The following TMEM232 variants were observed in gnomAD, a reference collection of about 807,000 sequenced individuals.
TMEM232 encodes transmembrane protein 232.
A neutral mutation model predicts 78.8 loss-of-function variants in TMEM232; 80 were observed. The observed-to-expected ratio is 1.01, with a 90% CI of 0.85 to 1.22. The LOEUF is 1.22. TMEM232 is among the 50% of genes most tolerant of loss of function. The probability of loss-of-function intolerance (pLI) is 0.00; values close to 1 mark genes in which losing one functional copy is unlikely to be tolerated. For missense variants in TMEM232, 881 were observed against 742.2 expected (o/e 1.19, Z -2.17); for synonymous variants, 297 against 254.3 (o/e 1.17, Z -1.60).
chr5:110,446,242 C>G (rs1270293111), intron 12 of TMEM232, among the ~76,000 whole-genome samples: 1 of 152,138 alleles, frequency 6.6e-6, no homozygotes, highest in African/African-American at 2.4e-5. Flanking sequence ...AGAGTAGGGG[C>G]TCTGAATCTG....
intron 12 of TMEM232, among the ~76,000 whole-genome samples, chr5:110,475,741 G>C (rs1763180938): frequency 6.6e-6 from 1 of 151,788 alleles, no homozygotes; most frequent in Non-Finnish European, 1.5e-5. Context: ...CAGATATCCA[G>C]AGTTCCCCAC....
intron 12 of TMEM232, among the ~76,000 whole-genome samples, chr5:110,490,131 AAGAAAG>A (rs1764884974): frequency 1.1e-5 from 1 of 90,272 alleles, no homozygotes; most frequent in African/African-American, 6.5e-5. Context: ...AAAAGAAAGA[AAGAAAG>A]AAAGAAAGAA....
intron 12 of TMEM232, among the ~76,000 whole-genome samples, chr5:110,427,449 T>C (rs1757364134): frequency 6.6e-6 from 1 of 151,938 alleles, no homozygotes; most frequent in African/African-American, 2.4e-5. Context: ...ACTAGACAAT[T>C]TTGTCGGCAT....
chr5:110,485,697 T>G (rs1764386252), intron 12 of TMEM232, among the ~76,000 whole-genome samples: 1 of 152,188 alleles, frequency 6.6e-6, no homozygotes, highest in Admixed American at 6.6e-5. Flanking sequence ...TACAGTTTCT[T>G]TATCCACTTG....
Position 110,642,341 on chromosome 5 carries a change from G to A in TMEM232, c.156C>T (p.Ile52=). The change falls in exon 3 of 14, where the codon ATC becomes ATT. Residue 52 remains isoleucine (I), a synonymous_variant. Coordinates refer to ENST00000455884, the MANE Select transcript of TMEM232 (RefSeq NM_001039763.4). ...AATTTTGTGTTTGATTGAATCTCAA[G>A]ATGAATTCTTTTGTGATTGAAAATG... is the stretch of plus-strand genomic sequence containing the variant. The part of the protein sequence containing the change: ...RPTFSITKEF[I]LRFNQTQNSK... 2 of 1,533,154 alleles carry A rather than the reference G, an allele frequency of 1.3e-6. No individual in the cohort carries two copies. Among genetic ancestry groups the A allele is most frequent in the Middle Eastern group, 1.7e-4 (1 of 5,786 alleles). The allele number at this position is 1,533,154 out of a possible 1,614,324, so 95.0% of individuals were successfully genotyped here.
chr5:110,700,819 T>TAGATAGAC (rs1561538273), intron 1 of TMEM232, among the ~76,000 whole-genome samples: 1 of 151,478 alleles, frequency 6.6e-6, no homozygotes, highest in Non-Finnish European at 1.5e-5. Flanking sequence ...GATAGATAGA[T>TAGATAGAC]AGATAGATAT....
intron 2 of TMEM232, among the ~76,000 whole-genome samples, chr5:110,659,703 T>C (rs1016758125): frequency 1.2e-4 from 18 of 152,262 alleles, no homozygotes; most frequent in Non-Finnish European, 2.5e-4. Flanking sequence ...TAAAAAGATC[T>C]GCAGGGAACC....
At chr5:110,389,893 A>C (rs10066574) in intron 4 of TMEM232, among the ~76,000 whole-genome samples, 4,941 of 148,204 alleles carry the variant, frequency 0.033, 274 homozygotes, top group African/African-American at 0.11. Flanking sequence ...AAGAGCAAGA[A>C]GTCAGGTCTG....
chr5:110,476,933 G>T (rs1440308567), intron 12 of TMEM232, among the ~76,000 whole-genome samples: 1 of 151,952 alleles, frequency 6.6e-6, no homozygotes, highest in Non-Finnish European at 1.5e-5. Context: ...AACGTAGATG[G>T]TGTTTAGAAA....
At chr5:110,407,105 G>A (rs1755820221) in intron 2 of TMEM232, among the ~76,000 whole-genome samples, 2 of 151,960 alleles carry the variant, frequency 1.3e-5, no homozygotes, top group South Asian at 2.1e-4. Flanking sequence ...CAGAAAACCA[G>A]CAATAAAATG....
chr5:110,592,210 C>A (rs754909639), intron 10 of TMEM232, among the ~76,000 whole-genome samples: 1 of 151,968 alleles, frequency 6.6e-6, no homozygotes, highest in Non-Finnish European at 1.5e-5. Flanking sequence ...AAACATGAAG[C>A]GGAAATCAAA....
At chr5:110,698,543 G>A (rs940997073) in intron 1 of TMEM232, among the ~76,000 whole-genome samples, 8 of 152,032 alleles carry the variant, frequency 5.3e-5, no homozygotes, top group South Asian at 2.1e-4. Flanking sequence ...GGACACACAG[G>A]ACTCATCTTA....
intron 3 of TMEM232, 22 bp downstream of exon 3, chr5:110,642,238 C>T (rs1343413978): frequency 1.4e-6 from 2 of 1,438,574 alleles, no homozygotes; most frequent in East Asian, 5.2e-5. Context: ...ACATGCTCAA[C>T]AATCAAATGA....
intron 12 of TMEM232, among the ~76,000 whole-genome samples, chr5:110,524,372 AAAGAAAGAAAG>A (rs1318683275): frequency 2.3e-5 from 1 of 43,818 alleles, no homozygotes; most frequent in Non-Finnish European, 5.5e-5. Context: ...AAAAAGAAAG[AAAGAAAGAAAG>A]AAAGAAAGAA....
At chr5:110,697,447 T>C (rs1580709667) in intron 1 of TMEM232, among the ~76,000 whole-genome samples, 1 of 151,866 alleles carries the variant, frequency 6.6e-6, no homozygotes, top group South Asian at 2.1e-4. Context: ...AATTGACAAA[T>C]GGGATCTAAT....
At chr5:110,561,083 G>C (rs774092861) in intron 11 of TMEM232, among the ~76,000 whole-genome samples, 1 of 152,096 alleles carries the variant, frequency 6.6e-6, no homozygotes, top group African/African-American at 2.4e-5. Context: ...TAAAATTTAT[G>C]TAGTAAGAAA....
At position 110,394,529 on chromosome 5, in the gene TMEM232, G is replaced by A. The variant is rs564226615; in HGVS notation, n.390+3244C>T. ...TTCCAAGCTGTTCTCCATAGTGGTT[G>A]TACTAATTTCCATTCCCATCAACAG... On this transcript the variant is annotated intron_variant and non_coding_transcript_variant, in intron 3 of 8. Transcript: ENST00000507188. 5.9e-5 allele frequency among the ~76,000 whole-genome samples: 9 copies of A among 152,234 alleles called. No individual in the cohort carries two copies. In the South Asian group the frequency reaches 1.9e-3, roughly 32 times the overall value.
At chr5:110,430,028 C>A (rs1194030225) in intron 12 of TMEM232, 1 of 151,416 alleles carries the variant, frequency 6.6e-6, no homozygotes, top group African/African-American at 2.4e-5. Context: ...GCCTTGATTT[C>A]TTTTAGAAGA....
chr5:110,700,785 G>GATA (rs1561538087), intron 1 of TMEM232, among the ~76,000 whole-genome samples: 5 of 141,768 alleles, frequency 3.5e-5, no homozygotes, highest in African/African-American at 7.8e-5. Context: ...TAGATAGATA[G>GATA]GTAGATAGAT....
Sources: allele counts gnomAD v4.1 joint callset (sites outside exome capture counted in the v4.1 genomes callset), GRCh38; gene constraint gnomAD v4.1.1; transcripts MANE v1.5; gene names NCBI Gene and HGNC (gene_info 2026-07-23, HGNC 2026-07-21).